Variants in PHB2 observed in about 807,000 individuals in gnomAD.
PHB2 encodes the protein prohibitin 2, also known as prohibitin-2.
PHB2 carries 22 observed loss-of-function variants against 46.4 expected under a neutral mutation model. The observed-to-expected ratio is 0.47, with a 90% CI of 0.34 to 0.68. The LOEUF is 0.68. Ranked by LOEUF, PHB2 falls within the 30% of genes least tolerant of loss-of-function variation. The pLI is 0.01. For synonymous variants in PHB2, 156 were observed against 150.5 expected, an observed-to-expected ratio of 1.04 and a Z score of -0.27; for missense variants, 305 against 382.8, an observed-to-expected ratio of 0.80 and a Z score of 1.70.
At chr12:6,970,696 C>A, upstream of PHB2, 1 of 1,018,568 alleles carries the variant, frequency 9.8e-7, no homozygotes, top group Non-Finnish European at 1.4e-6. Flanking sequence ...CCCTTTGAAA[C>A]CCTCCCCCTT....
intron 9 of PHB2, 52 bp from the exon 10 acceptor site, chr12:6,965,764 G>T (rs1428821257): frequency 1.3e-6 from 2 of 1,567,228 alleles, no homozygotes; most frequent in Non-Finnish European, 1.8e-6. Context: ...ATAAATGTGA[G>T]AGGCAGGACA....
Position 6,967,435 on chromosome 12 carries a change from G to T in PHB2, c.712-187C>A. 1 of 1,359,904 alleles carries T rather than the reference G, an allele frequency of 7.4e-7. No individual in the cohort carries two copies. The highest frequency in any genetic ancestry group is 1.4e-5 in the African/African-American group (1 of 70,296). The allele number at this position is 1,359,904 out of a possible 1,614,324, so 84.2% of individuals were successfully genotyped here. ...AGGCTGCTGCCAGGAACTAGGGGCA[G>T]CACCAGAAATGAAGGCAAGGCCACC... On this transcript the variant is annotated intron_variant, in intron 6 of 9. Coordinates refer to ENST00000535923, the MANE Select transcript of PHB2 (RefSeq NM_001144831.2). The surrounding 1 kb of genome is among the most constrained non-coding windows in gnomAD (Gnocchi z 4.9).
chr12:6,970,420 T>A lies in PHB2; in HGVS notation c.124A>T (p.Thr42Ser). 6.2e-7 allele frequency: 1 copy of A among 1,603,734 alleles called. No homozygotes were observed. Among genetic ancestry groups the A allele is most frequent in the South Asian group, 1.1e-5 (1 of 91,064 alleles). The change falls in exon 1 of 10, where the codon ACC becomes TCC. Residue 42 changes from threonine to serine, a missense_variant. Thr to Ser is a moderately conservative substitution (Grantham distance 58). This residue lies in a region of PHB2 where 60 missense variants were observed against 61.0 expected (regional missense o/e 0.98). Coordinates refer to ENST00000535923, the MANE Select transcript of PHB2 (RefSeq NM_001144831.2). ...CGAGCAGGCGGAGGTTGCTCACCGGTGAACACAGATTCGCGCACACCGTAG... is the reference window on the plus strand; with the variant it reads ...CGAGCAGGCGGAGGTTGCTCACCGGAGAACACAGATTCGCGCACACCGTAG... ...VAYGVRESVF[T>S]VEGGHRAIFF... is the part of the protein sequence containing the mutation.
chr12:6,965,657 CTGGGGG>C lies in PHB2; in HGVS notation c.*22_*27del. ...AACTGGAGAAGCAGATCCACTTCCT[CTGGGGG>C]TGGAGTTCTTGGTGACTAGGCTCAT... On this transcript the variant is annotated 3_prime_UTR_variant, in exon 10 of 10. Transcript: ENST00000535923. 1 of 1,601,426 alleles carries C rather than the reference CTGGGGG, an allele frequency of 6.2e-7. No homozygotes were observed. The highest frequency in any genetic ancestry group is 2.2e-5 in the East Asian group (1 of 44,790).
chr12:6,967,174 C>A lies in PHB2; in HGVS notation c.786G>T (p.Lys262Asn). The change falls in exon 7 of 10, where the codon AAG (lysine) becomes AAT (asparagine). Residue 262 changes from lysine (K) to asparagine (N), a missense_variant. Transcript: ENST00000535923. The surrounding 1 kb of genome is among the most constrained non-coding windows in gnomAD (Gnocchi z 4.9). ...GACGCTGGGCTGACACACTCACCGT[C>A]TTGGAGATATTCTGGGCTGCTCGAA... ...RKIRAAQNIS[K>N]TIATSQNRIY... is the part of the protein sequence containing the mutation. 6.4e-7 allele frequency: 1 copy of A among 1,572,336 alleles called. No individual in the cohort carries two copies.
Position 6,967,089 on chromosome 12 carries a change from G to C in PHB2, c.789+82C>G, listed in dbSNP as rs181101503. ...GTAGAAACCGGAACAAGCAAGGTTCGAATTCCCTCACCTCAATGTGCCTTA... is the reference window on the plus strand; with the variant it reads ...GTAGAAACCGGAACAAGCAAGGTTCCAATTCCCTCACCTCAATGTGCCTTA... On this transcript the variant is annotated intron_variant, in intron 7 of 9. Transcript: ENST00000535923. The surrounding 1 kb of genome is among the most constrained non-coding windows in gnomAD (Gnocchi z 4.9). 7.6e-6 allele frequency: 9 copies of C among 1,183,266 alleles called. No homozygotes were observed. Among genetic ancestry groups the C allele is most frequent in the Non-Finnish European group, 1.1e-5 (9 of 815,452 alleles). The allele number at this position is 1,183,266 out of a possible 1,614,324, so 73.3% of individuals were successfully genotyped here.
chr12:6,969,622 G>C (rs781808659), intron 2 of PHB2, 45 bp from the exon 3 acceptor site: 1 of 1,171,972 alleles, frequency 8.5e-7, no homozygotes, highest in Non-Finnish European at 1.3e-6. Context: ...AGTTTCGGCC[G>C]GGCGCGGTGG....
Position 6,970,515 on chromosome 12 carries a change from C to T in PHB2, c.29G>A (p.Gly10Glu), listed in dbSNP as rs782486728. The change falls in exon 1 of 10, where the codon GGA becomes GAA. Residue 10 changes from glycine to glutamate, a missense_variant. By Grantham distance (98) the Gly-to-Glu change is moderately conservative. Transcript: ENST00000535923. Reference sequence around the variant, plus strand: ...GCCCCGGGGCCCGGCGGGCAGCCGTCCCGCCAAGTCCTTCAAGTTCTGGGC... The same window carrying T: ...GCCCCGGGGCCCGGCGGGCAGCCGTTCCGCCAAGTCCTTCAAGTTCTGGGC... The part of the protein sequence containing the change: MAQNLKDLA[G>E]RLPAGPRGMG... The T allele has an allele frequency of 6.2e-7, 1 of 1,604,488 alleles. No individual in the cohort carries two copies. Among genetic ancestry groups the T allele is most frequent in the East Asian group, 2.2e-5 (1 of 44,776 alleles).
At chr12:6,966,641 G>A (rs1050693796) in intron 7 of PHB2, 141 bp from the exon 8 acceptor site, 21 of 671,772 alleles carry the variant, frequency 3.1e-5, no homozygotes, top group African/African-American at 5.3e-5. Context: ...GTTTCTGCTC[G>A]CACTTAGGGA....
At chr12:6,966,334 T>G in intron 8 of PHB2, 90 bp downstream of exon 8, 1 of 822,426 alleles carries the variant, frequency 1.2e-6, no homozygotes, top group Non-Finnish European at 2.2e-6. Context: ...CTGAGCCATA[T>G]GAATAGCTGT....
At chr12:6,969,182 G>A (rs891290571) in intron 3 of PHB2, among the ~76,000 whole-genome samples, 1 of 152,018 alleles carries the variant, frequency 6.6e-6, no homozygotes, top group Non-Finnish European at 1.5e-5. Flanking sequence ...ACTAGTGGAT[G>A]TAACTGTAGA....
chr12:6,970,649 G>A lies in PHB2; in HGVS notation c.-106C>T, dbSNP rs1055394225. 15 of 1,360,626 alleles carry A rather than the reference G, an allele frequency of 1.1e-5. No homozygotes were observed. Among genetic ancestry groups the A allele is most frequent in the South Asian group, 1.4e-5 (1 of 71,468 alleles). The allele number at this position is 1,360,626 out of a possible 1,614,324, so 84.3% of individuals were successfully genotyped here. On this transcript the variant is annotated 5_prime_UTR_variant, in exon 1 of 10. The change creates a new upstream start codon in the 5' untranslated region. Coordinates refer to ENST00000535923, the MANE Select transcript of PHB2 (RefSeq NM_001144831.2). The stretch of plus-strand genomic sequence containing the variant: ...ACCCTTCACACGAGGGTTCGGGCCC[G>A]TAAGGCTGGCGAAAGAAAGGGCAGC...
Position 6,970,233 on chromosome 12 carries a change from G to A in PHB2, c.175C>T (p.Gln59Ter). The A allele has an allele frequency of 1.9e-6, 3 of 1,613,828 alleles. No homozygotes were observed. Among genetic ancestry groups the A allele is most frequent in the Non-Finnish European group, 2.5e-6 (3 of 1,179,856 alleles). ...AIFFNRIGGV[Q>*]QDTILAEGLH... ...CCCTCGGCCAGGATAGTGTCCTGCTGCACTCCACCGATCCGATTGAAGAAG... is the reference window on the plus strand; with the variant it reads ...CCCTCGGCCAGGATAGTGTCCTGCTACACTCCACCGATCCGATTGAAGAAG... The change falls in exon 2 of 10, where the codon CAG becomes TAG. Residue 59 changes from glutamine (Q) to a stop codon, truncating the protein, a stop_gained. Transcript: ENST00000535923. LOFTEE classifies it high-confidence loss of function.
chr12:6,968,020 A>C lies in PHB2; in HGVS notation c.479T>G (p.Val160Gly). 1 of 1,597,594 alleles carries C rather than the reference A, an allele frequency of 6.3e-7. No homozygotes were observed. The highest frequency in any genetic ancestry group is 8.6e-7 in the Non-Finnish European group (1 of 1,168,466). The change falls in exon 5 of 10, where the codon GTA becomes GGA. Residue 160 changes from valine (V) to glycine (G), a missense_variant and splice_region_variant. Physicochemically the swap from Val to Gly is moderately radical, Grantham distance 109. Coordinates refer to ENST00000535923, the MANE Select transcript of PHB2 (RefSeq NM_001144831.2). ...CAGCTCCCGGCGGATCAACAGGGATACCTGAGGGCAGGGGTGAAGAGGGGA... is the reference window on the plus strand; with the variant it reads ...CAGCTCCCGGCGGATCAACAGGGATCCCTGAGGGCAGGGGTGAAGAGGGGA... ...ASQLITQRAQVSLLIRRELTE... is the reference protein window; with the variant it reads ...ASQLITQRAQGSLLIRRELTE...
At chr12:6,968,670 C>T (rs1946258551) in intron 3 of PHB2, 75 bp from the exon 4 acceptor site, 1 of 1,144,182 alleles carries the variant, frequency 8.7e-7, no homozygotes, top group Non-Finnish European at 1.3e-6. Flanking sequence ...ATGTTCCTCC[C>T]TGTATGCCCT....
chr12:6,970,042 C>T (rs782007627), intron 2 of PHB2, 154 bp downstream of exon 2: 3 of 717,496 alleles, frequency 4.2e-6, no homozygotes, highest in South Asian at 2.9e-5. Context: ...TTGTATGCTG[C>T]TGGAGGTTCT....
chr12:6,965,938 T>A (rs1946205129), intron 8 of PHB2, 22 bp from the exon 9 acceptor site: 2 of 1,597,916 alleles, frequency 1.3e-6, no homozygotes, highest in Non-Finnish European at 1.7e-6. Flanking sequence ...GATCGCCAGA[T>A]GAACAAGAAA....
At chr12:6,966,290 A>C (rs1171155876) in intron 8 of PHB2, 134 bp downstream of exon 8, 2 of 669,778 alleles carry the variant, frequency 3.0e-6, no homozygotes, top group African/African-American at 3.6e-5. Flanking sequence ...AGAAACTGTC[A>C]ACCACCCCCT....
At position 6,965,541 on chromosome 12, in the gene PHB2, C is replaced by G; in HGVS notation, c.*144G>C. On this transcript the variant is annotated 3_prime_UTR_variant, in exon 10 of 10. Coordinates refer to ENST00000535923, the MANE Select transcript of PHB2 (RefSeq NM_001144831.2). The stretch of plus-strand genomic sequence containing the variant: ...GGGCTAGTCTTCAGTCTTCCTTAAT[C>G]CAAGAGGGGTTCAGGGAACCGGTGT... 1 of 713,650 alleles carries G rather than the reference C, an allele frequency of 1.4e-6. No individual in the cohort carries two copies. The highest frequency in any genetic ancestry group is 2.5e-6 in the Non-Finnish European group (1 of 393,766). The allele number at this position is 713,650 out of a possible 1,614,324, so 44.2% of individuals were successfully genotyped here. A position where few individuals can be genotyped will look rare whatever the true frequency, so the allele number is the denominator to read the frequency against.
Sources: allele counts gnomAD v4.1 joint callset (sites outside exome capture counted in the v4.1 genomes callset), GRCh38; gene constraint gnomAD v4.1.1; regional missense constraint gnomAD v4.1.1; non-coding constraint Gnocchi (gnomAD v3.1); transcripts MANE v1.5; gene names NCBI Gene and HGNC (gene_info 2026-07-23, HGNC 2026-07-21).